KLF12: variants seen among roughly 807,000 people sequenced by gnomAD.
KLF12 encodes the protein Krueppel-like factor 12.
Under a neutral mutation model 37.8 loss-of-function variants are expected in KLF12, and 9 were observed. The observed-to-expected ratio is 0.24, with a 90% CI of 0.14 to 0.42. The LOEUF is 0.42. Among genes scored for constraint, KLF12 ranks in the 10% least tolerant of loss-of-function variants. KLF12 has a pLI of 1.00. For synonymous variants in KLF12, 208 were observed against 202.1 expected (o/e 1.03, Z -0.25); for missense variants, 411 against 516.0 (o/e 0.80, Z 1.97).
chr13:74,102,353 C>T (rs950351497), intron 1 of KLF12, among the ~76,000 whole-genome samples: 3 of 151,848 alleles, frequency 2.0e-5, no homozygotes, highest in African/African-American at 7.3e-5. Flanking sequence ...GAAAATGGTG[C>T]CTTTGTGGAA....
At chr13:74,232,743 T>C in the KLF12 span, among the ~76,000 whole-genome samples, 443 of 152,340 alleles carry the variant, frequency 2.9e-3, 3 homozygotes, top group African/African-American at 0.01. Flanking sequence ...TTTCTATTTC[T>C]ATCTTGATAA....
intron 5 of KLF12, among the ~76,000 whole-genome samples, chr13:73,795,534 C>T (rs772841214): frequency 2.0e-5 from 3 of 152,176 alleles, no homozygotes; most frequent in Non-Finnish European, 4.4e-5. Flanking sequence ...AACGCATTCA[C>T]TGGAAGTTAC....
intron 7 of KLF12, among the ~76,000 whole-genome samples, chr13:73,711,001 G>A (rs988820932): frequency 5.3e-5 from 8 of 152,160 alleles, no homozygotes; most frequent in Non-Finnish European, 7.3e-5. Context: ...CAGCCTTATC[G>A]CTGATTTGGA....
chr13:74,165,712 T>C, the KLF12 span, among the ~76,000 whole-genome samples: 2 of 152,354 alleles, frequency 1.3e-5, no homozygotes, highest in Admixed American at 1.3e-4. Context: ...TACTGTATTC[T>C]TTTGGAGGAG....
chr13:74,164,233 T>C, the KLF12 span, among the ~76,000 whole-genome samples: 1 of 152,144 alleles, frequency 6.6e-6, no homozygotes, highest in African/African-American at 2.4e-5. Flanking sequence ...AATAAAAACA[T>C]ATTTATGGCT....
At chr13:74,134,346 C>G (rs1878447443), upstream of KLF12, among the ~76,000 whole-genome samples, 1 of 151,844 alleles carries the variant, frequency 6.6e-6, no homozygotes. Context: ...CGCTTTATTG[C>G]CATAAAATGG....
intron 7 of KLF12, among the ~76,000 whole-genome samples, chr13:73,710,640 C>T (rs373183858): frequency 3.9e-5 from 6 of 152,134 alleles, no homozygotes; most frequent in African/African-American, 7.2e-5. Context: ...GTACCCAAGA[C>T]GGCAAACTTA....
intron 4 of KLF12, among the ~76,000 whole-genome samples, chr13:73,817,648 C>T (rs1883306479): frequency 6.6e-6 from 1 of 152,214 alleles, no homozygotes; most frequent in South Asian, 2.1e-4. Context: ...ACCGTAACCT[C>T]CTCTTGCAAC....
At chr13:74,201,455 T>C in the KLF12 span, among the ~76,000 whole-genome samples, 42 of 152,334 alleles carry the variant, frequency 2.8e-4, no homozygotes, top group African/African-American at 9.6e-4. Context: ...TCAAATTATG[T>C]TTTGTTCTCC....
chr13:74,275,807 C>CTTTCT, the KLF12 span, among the ~76,000 whole-genome samples: 1 of 50,296 alleles, frequency 2.0e-5, no homozygotes, highest in Non-Finnish European at 3.8e-5. Context: ...TCTTTCTTTC[C>CTTTCT]TTCTTTCTTT....
the KLF12 span, among the ~76,000 whole-genome samples, chr13:74,261,698 T>C: frequency 6.6e-6 from 1 of 152,232 alleles, no homozygotes. Flanking sequence ...TATACACAAA[T>C]ATTAATAAGG....
the KLF12 span, among the ~76,000 whole-genome samples, chr13:74,161,285 C>A: frequency 6.6e-6 from 1 of 151,930 alleles, no homozygotes; most frequent in African/African-American, 2.4e-5. Flanking sequence ...CAGAATGTGA[C>A]CTTATTTGAA....
At chr13:74,016,725 T>C (rs999616317) in intron 1 of KLF12, among the ~76,000 whole-genome samples, 1 of 152,160 alleles carries the variant, frequency 6.6e-6, no homozygotes, top group Non-Finnish European at 1.5e-5. Flanking sequence ...TTTGGCAGTG[T>C]CTACTAAAAT....
the KLF12 span, among the ~76,000 whole-genome samples, chr13:74,172,098 G>T: frequency 1.3e-5 from 2 of 150,242 alleles, no homozygotes; most frequent in African/African-American, 4.9e-5. Context: ...AGGAGAACTG[G>T]TTGAGACAAT....
the KLF12 span, among the ~76,000 whole-genome samples, chr13:74,178,046 C>T: frequency 5.3e-5 from 8 of 152,128 alleles, no homozygotes; most frequent in East Asian, 3.9e-4. Context: ...TCAGGTGGTC[C>T]GTGGCTGGTA....
intron 1 of KLF12, among the ~76,000 whole-genome samples, chr13:74,006,839 T>C (rs9600217): frequency 0.015 from 2,323 of 152,314 alleles, 42 homozygotes; most frequent in East Asian, 0.063. Flanking sequence ...CTCCTTTAGG[T>C]CCTCATTTAA....
intron 5 of KLF12, among the ~76,000 whole-genome samples, chr13:73,774,928 T>C (rs7996815): frequency 0.095 from 14,301 of 150,752 alleles, 1,483 homozygotes; most frequent in African/African-American, 0.26. Flanking sequence ...TTTTTTTTTT[T>C]TTTTTTTAAG....
intron 5 of KLF12, among the ~76,000 whole-genome samples, chr13:73,809,351 A>T (rs148317119): frequency 2.3e-5 from 3 of 133,252 alleles, no homozygotes; most frequent in African/African-American, 8.3e-5. Flanking sequence ...TACAGAAGTC[A>T]TCAAGATACG....
chr13:73,990,165 A>T (rs1225961895), intron 2 of KLF12, among the ~76,000 whole-genome samples: 2 of 152,208 alleles, frequency 1.3e-5, no homozygotes, highest in Non-Finnish European at 2.9e-5. Context: ...TGGAAAATCA[A>T]GGAGAAACAT....
Sources: allele counts gnomAD v4.1 joint callset (sites outside exome capture counted in the v4.1 genomes callset), GRCh38; gene constraint gnomAD v4.1.1; transcripts MANE v1.5; gene names NCBI Gene and HGNC (gene_info 2026-07-23, HGNC 2026-07-21).